VRK1: variants seen among roughly 807,000 people sequenced by gnomAD.
VRK1 encodes the protein serine/threonine-protein kinase VRK1.
A neutral mutation model predicts 57.1 loss-of-function variants in VRK1; 33 were observed. The observed-to-expected ratio is 0.58, with a 90% CI of 0.44 to 0.77. VRK1 has a LOEUF of 0.77. Ranked by LOEUF, VRK1 falls within the 30% of genes least tolerant of loss-of-function variation. The pLI, the probability that VRK1 is intolerant of heterozygous loss-of-function variation, is 0.00. For synonymous variants in VRK1, 137 were observed against 147.8 expected (o/e 0.93, Z 0.53); for missense variants, 413 against 477.3 (o/e 0.87, Z 1.25).
Position 96,855,307 on chromosome 14 carries a change from T to A in VRK1, c.660T>A (p.Cys220Ter), listed in dbSNP as rs762979613. The part of the protein sequence containing the change: ...HKEYKEDPKR[C>*]HDGTIEFTSI... Reference sequence around the variant, plus strand: ...AATACAAAGAAGACCCCAAAAGATGTCACGATGGCACTATTGAATTCACGA... The same window carrying A: ...AATACAAAGAAGACCCCAAAAGATGACACGATGGCACTATTGAATTCACGA... Residue 220 changes from cysteine (C) to a stop codon, truncating the protein, a stop_gained, in exon 8 of 13, where the codon TGT becomes TGA. Transcript: ENST00000216639. LOFTEE classifies it high-confidence loss of function. The A allele has an allele frequency of 5.0e-6, 8 of 1,614,126 alleles. No individual in the cohort carries two copies. The highest frequency in any genetic ancestry group is 2.2e-5 in the East Asian group (1 of 44,874).
At chr14:96,815,672 T>G (rs1463962982) in intron 1 of VRK1, among the ~76,000 whole-genome samples, 2 of 151,440 alleles carry the variant, frequency 1.3e-5, no homozygotes, top group African/African-American at 4.9e-5. Flanking sequence ...TCACTTGAGC[T>G]CAGGAGTTTG....
intron 11 of VRK1, among the ~76,000 whole-genome samples, chr14:96,861,206 T>C (rs929376491): frequency 6.6e-6 from 1 of 152,184 alleles, no homozygotes; most frequent in African/African-American, 2.4e-5. Context: ...TGAAGAAATA[T>C]TATATAAAGC....
intron 1 of VRK1, among the ~76,000 whole-genome samples, chr14:96,799,172 A>G (rs1434625472): frequency 6.6e-6 from 1 of 152,260 alleles, no homozygotes; most frequent in Non-Finnish European, 1.5e-5. Flanking sequence ...AGAGCCTGGC[A>G]TATAGTAAGT....
intron 1 of VRK1, among the ~76,000 whole-genome samples, chr14:96,815,105 T>A (rs574564887): frequency 7.9e-5 from 12 of 152,350 alleles, no homozygotes; most frequent in African/African-American, 2.9e-4. Context: ...GTTATGCCTT[T>A]TTCCTCATAC....
At chr14:96,842,354 C>T (rs1249756053) in intron 3 of VRK1, among the ~76,000 whole-genome samples, 2 of 152,098 alleles carry the variant, frequency 1.3e-5, no homozygotes, top group South Asian at 2.1e-4. Context: ...TCAGTTCTTT[C>T]TGGTATTAAA....
In VRK1 at chr14:96,860,607, A is replaced by G. The variant is rs1441800411; in HGVS notation, c.940A>G (p.Lys314Glu). Residue 314 changes from lysine (K) to glutamate (E), a missense_variant, in exon 11 of 13, where the codon AAA (lysine) becomes GAA (glutamate). Physicochemically the swap from Lys to Glu is moderately conservative, Grantham distance 56. Transcript: ENST00000216639. Reference protein sequence around the residue: ...ETVKLLDYTEKPLYENLRDIL... With the variant: ...ETVKLLDYTEEPLYENLRDIL... ...AGTGAAATTACTAGACTACACTGAAAAACCTCTTTATGAAAATTTACGTGA... is the reference window on the plus strand; with the variant it reads ...AGTGAAATTACTAGACTACACTGAAGAACCTCTTTATGAAAATTTACGTGA... 1.9e-6 allele frequency: 3 copies of G among 1,613,076 alleles called. No individual in the cohort carries two copies. The highest frequency in any genetic ancestry group is 2.7e-5 in the African/African-American group (2 of 74,898).
chr14:96,818,827 A>G (rs1886489133), intron 1 of VRK1, among the ~76,000 whole-genome samples: 1 of 152,148 alleles, frequency 6.6e-6, no homozygotes, highest in Non-Finnish European at 1.5e-5. Flanking sequence ...GAATATCCTT[A>G]CAGTTCTGTC....
intron 11 of VRK1, among the ~76,000 whole-genome samples, chr14:96,861,503 C>T (rs1488111582): frequency 6.6e-6 from 1 of 151,936 alleles, no homozygotes; most frequent in South Asian, 2.1e-4. Context: ...CATTATTAAC[C>T]ATTTTTACTG....
rs1355555306 is a variant in VRK1, at chr14:96,846,127, A to G, written c.249A>G (p.Glu83=). ...GTGACAATGGACCTCTTTTTACTGA[A>G]TTAAAGTTCTACCAACGAGCTGCAA... is the stretch of plus-strand genomic sequence containing the variant. ...EPSDNGPLFT[E]LKFYQRAAKP... Residue 83 remains glutamate (E), a synonymous_variant, in exon 4 of 13, where the codon GAA becomes GAG. Coordinates refer to ENST00000216639, the MANE Select transcript of VRK1 (RefSeq NM_003384.3). 3 of 1,613,356 alleles carry G rather than the reference A, an allele frequency of 1.9e-6. No individual in the cohort carries two copies. The highest frequency in any genetic ancestry group is 2.7e-5 in the African/African-American group (2 of 74,900).
chr14:96,876,699 C>T (rs1889044593), intron 12 of VRK1, among the ~76,000 whole-genome samples: 1 of 151,246 alleles, frequency 6.6e-6, no homozygotes, highest in Non-Finnish European at 1.5e-5. Context: ...AGTTTGTCAA[C>T]CTCTTCTTTT....
At chr14:96,856,959 C>G (rs1457634608) in intron 10 of VRK1, among the ~76,000 whole-genome samples, 2 of 150,656 alleles carry the variant, frequency 1.3e-5, no homozygotes, top group African/African-American at 4.8e-5. Flanking sequence ...CAGAGTGAGA[C>G]TCCGTCTCAG....
At chr14:96,871,824 T>G (rs946178565) in intron 11 of VRK1, among the ~76,000 whole-genome samples, 1 of 152,170 alleles carries the variant, frequency 6.6e-6, no homozygotes, top group Non-Finnish European at 1.5e-5. Flanking sequence ...TTTATTTTTA[T>G]TTTTATTTTT....
At chr14:96,848,752 T>C (rs1396199514) in intron 5 of VRK1, among the ~76,000 whole-genome samples, 1 of 152,260 alleles carries the variant, frequency 6.6e-6, no homozygotes, top group Non-Finnish European at 1.5e-5. Flanking sequence ...GGCAATTTTT[T>C]GCTTTAATTT....
At chr14:96,857,647 C>T (rs1888219252) in intron 10 of VRK1, among the ~76,000 whole-genome samples, 1 of 152,120 alleles carries the variant, frequency 6.6e-6, no homozygotes, top group Non-Finnish European at 1.5e-5. Flanking sequence ...CTGCAGTAAC[C>T]CATGCAAGAG....
chr14:96,860,732 A>C lies in VRK1; in HGVS notation c.1065A>C (p.Thr355=), dbSNP rs765863043. Residue 355 remains threonine (T), a synonymous_variant, in exon 11 of 13, where the codon ACA becomes ACC. Coordinates refer to ENST00000216639, the MANE Select transcript of VRK1 (RefSeq NM_003384.3). ...ENGGLKAKTI[T]KKRKKEIEES... is the part of the protein sequence containing the mutation. ...GAGGTTTGAAAGCAAAAACAATAACAAAGGTGAATTTTGTTATTAAATTAT... is the reference window on the plus strand; with the variant it reads ...GAGGTTTGAAAGCAAAAACAATAACCAAGGTGAATTTTGTTATTAAATTAT... 31 of 1,612,206 alleles carry C rather than the reference A, an allele frequency of 1.9e-5. No homozygotes were observed. Among genetic ancestry groups the C allele is most frequent in the Non-Finnish European group, 2.4e-5 (28 of 1,179,058 alleles).
At chr14:96,866,460 A>G (rs1373736587) in intron 11 of VRK1, among the ~76,000 whole-genome samples, 1 of 152,056 alleles carries the variant, frequency 6.6e-6, no homozygotes, top group Admixed American at 6.6e-5. Context: ...CCATGACTTT[A>G]GTTCTTTATG....
intron 5 of VRK1, among the ~76,000 whole-genome samples, chr14:96,850,792 G>A (rs948517723): frequency 1.3e-5 from 2 of 152,174 alleles, no homozygotes; most frequent in Admixed American, 1.3e-4. Context: ...TGGAATATTT[G>A]CGTTAATACC....
chr14:96,832,707 G>A (rs1170347239), intron 1 of VRK1, among the ~76,000 whole-genome samples: 1 of 152,156 alleles, frequency 6.6e-6, no homozygotes, highest in African/African-American at 2.4e-5. Flanking sequence ...ATCTCCTAAA[G>A]GATAGCTAAT....
intron 3 of VRK1, among the ~76,000 whole-genome samples, chr14:96,840,858 CTT>C (rs56081379): frequency 9.1e-5 from 13 of 143,444 alleles, no homozygotes; most frequent in Non-Finnish European, 7.6e-5. Context: ...ATAACTTGAA[CTT>C]TTTTTTTTTT....
Sources: allele counts gnomAD v4.1 joint callset (sites outside exome capture counted in the v4.1 genomes callset), GRCh38; gene constraint gnomAD v4.1.1; transcripts MANE v1.5; gene names NCBI Gene and HGNC (gene_info 2026-07-23, HGNC 2026-07-21).